ZFYVE28: variants seen among roughly 807,000 people sequenced by gnomAD.
The protein encoded by ZFYVE28 is zinc finger FYVE-type containing 28.
Under a neutral mutation model 82.1 loss-of-function variants are expected in ZFYVE28, and 40 were observed. The observed-to-expected ratio is 0.49, with a 90% CI of 0.38 to 0.63. The LOEUF is 0.63. Among genes scored for constraint, ZFYVE28 ranks in the 30% least tolerant of loss-of-function variants. The probability of loss-of-function intolerance (pLI) is 0.00; values close to 1 mark genes in which losing one functional copy is unlikely to be tolerated. For synonymous variants in ZFYVE28, 612 were observed against 546.1 expected (o/e 1.12, Z -1.68); for missense variants, 1,321 against 1,242.1 (o/e 1.06, Z -0.96).
rs1727771578 is a variant in ZFYVE28 at position 2,373,342 on chromosome 4, T to A, written c.40-19269A>T. ...GTGAGACCTACATCTCTACAAAAAATTTAAAAATTAGCTGACTGTGGTGGC... is the reference window on the plus strand; with the variant it reads ...GTGAGACCTACATCTCTACAAAAAAATTAAAAATTAGCTGACTGTGGTGGC... On this transcript the variant is annotated intron_variant, in intron 1 of 12. Transcript: ENST00000290974. Among the ~76,000 whole-genome samples, 3 of 151,820 alleles carry A rather than the reference T, an allele frequency of 2.0e-5. No individual in the cohort carries two copies. The South Asian group carries it at 6.3e-4, about 32-fold the overall frequency.
rs1713004475 is a variant in ZFYVE28, at chr4:2,287,885, A to T, written c.2052-13669T>A. On this transcript the variant is annotated intron_variant, in intron 8 of 12. Transcript: ENST00000290974. ...TCCAAAGTACTGAACATAAGGAGAC[A>T]CTGGATATGGATGTGTGAATGCTCT... is the stretch of plus-strand genomic sequence containing the variant. 3.3e-5 allele frequency among the ~76,000 whole-genome samples: 5 copies of T among 152,356 alleles called. No individual in the cohort carries two copies. In the South Asian group the frequency reaches 1.0e-3, roughly 32 times the overall value.
intron 8 of ZFYVE28, among the ~76,000 whole-genome samples, chr4:2,292,171 C>A (rs755905480): frequency 1.2e-4 from 19 of 152,144 alleles, no homozygotes; most frequent in Non-Finnish European, 2.4e-4. Flanking sequence ...GTCCTGCAGG[C>A]GGCCGGAGAG....
intron 1 of ZFYVE28, among the ~76,000 whole-genome samples, chr4:2,355,462 T>C (rs1223645874): frequency 6.8e-6 from 1 of 147,922 alleles, no homozygotes; most frequent in Non-Finnish European, 1.5e-5. Context: ...TTGTATTTTC[T>C]GTAGAGATGG....
At chr4:2,328,111 T>C (rs757796362) in intron 6 of ZFYVE28, among the ~76,000 whole-genome samples, 29 of 152,254 alleles carry the variant, frequency 1.9e-4, no homozygotes, top group African/African-American at 7.0e-4. Flanking sequence ...TGTAGTCTCA[T>C]GTTCATTGCA....
At chr4:2,312,319 C>T (rs1717571183) in intron 7 of ZFYVE28, among the ~76,000 whole-genome samples, 1 of 152,126 alleles carries the variant, frequency 6.6e-6, no homozygotes, top group South Asian at 2.1e-4. Flanking sequence ...AGGCAGATGG[C>T]TCGAGCACAG....
chr4:2,277,556 G>A (rs1413978471), intron 8 of ZFYVE28, among the ~76,000 whole-genome samples: 1 of 152,044 alleles, frequency 6.6e-6, no homozygotes, highest in Non-Finnish European at 1.5e-5. Flanking sequence ...TAAACTGAAA[G>A]TGAAATGAAG....
intron 3 of ZFYVE28, among the ~76,000 whole-genome samples, chr4:2,340,272 C>T (rs547675174): frequency 1.3e-5 from 2 of 152,308 alleles, no homozygotes; most frequent in South Asian, 2.1e-4. Flanking sequence ...AGGGCTCCTC[C>T]GCACCCACAA....
chr4:2,272,694 A>C (rs915065870), intron 10 of ZFYVE28, among the ~76,000 whole-genome samples: 8 of 151,742 alleles, frequency 5.3e-5, no homozygotes, highest in African/African-American at 1.9e-4. Context: ...CCCCATAGAG[A>C]GGCGGGTTCG....
intron 1 of ZFYVE28, among the ~76,000 whole-genome samples, chr4:2,413,858 C>T (rs1360947968): frequency 2.0e-5 from 3 of 152,224 alleles, no homozygotes; most frequent in African/African-American, 7.2e-5. Flanking sequence ...AGGCCCCACT[C>T]GTGCCAGGCC....
At chr4:2,274,345 C>T (rs1438396905) in intron 8 of ZFYVE28, 129 bp from the exon 9 acceptor site, 8 of 1,180,478 alleles carry the variant, frequency 6.8e-6, no homozygotes, top group South Asian at 1.6e-5. Flanking sequence ...GTATCTGTTG[C>T]CCAGATACAC....
chr4:2,298,986 C>T (rs1274698972), intron 8 of ZFYVE28, among the ~76,000 whole-genome samples: 1 of 152,172 alleles, frequency 6.6e-6, no homozygotes. Context: ...TCGCACCACA[C>T]GCGATCAACC....
chr4:2,326,522 G>A (rs1267401406), intron 6 of ZFYVE28, among the ~76,000 whole-genome samples: 6 of 152,094 alleles, frequency 3.9e-5, no homozygotes, highest in East Asian at 1.9e-4. Context: ...TTGGCTATTC[G>A]TGGGTTTTTA....
In ZFYVE28 at chr4:2,335,302, G is replaced by T. The variant is rs978497460; in HGVS notation, c.701+403C>A. Among the ~76,000 whole-genome samples, 1 of 152,070 alleles carries T rather than the reference G, an allele frequency of 6.6e-6. No homozygotes were observed. The highest frequency in any genetic ancestry group is 2.4e-5 in the African/African-American group (1 of 41,396). On this transcript the variant is annotated intron_variant, in intron 6 of 12. Coordinates refer to ENST00000290974, the MANE Select transcript of ZFYVE28 (RefSeq NM_020972.3). The surrounding 1 kb of genome is among the most constrained non-coding windows in gnomAD (Gnocchi z 5.8). ...TCACAGCCTCCTGAGGGACCCGGGG[G>T]GCAGCTCGTCCTCTTGTTACCACCA...
chr4:2,368,117 G>A (rs1470646047), intron 1 of ZFYVE28, among the ~76,000 whole-genome samples: 4 of 148,260 alleles, frequency 2.7e-5, no homozygotes, highest in East Asian at 2.0e-4. Context: ...GGCCAGGCAC[G>A]ATGGCACTTT....
In ZFYVE28 at chr4:2,341,669, G is replaced by C. The variant is rs1560241767; in HGVS notation, c.181-54C>G. The C allele has an allele frequency of 6.3e-7, 1 of 1,580,324 alleles. No homozygotes were observed. The highest frequency in any genetic ancestry group is 8.6e-7 in the Non-Finnish European group (1 of 1,156,774). On this transcript the variant is annotated intron_variant, in intron 2 of 12. Coordinates refer to ENST00000290974, the MANE Select transcript of ZFYVE28 (RefSeq NM_020972.3). This position sits in a 1 kb window ranked among gnomAD's most constrained non-coding sequence, Gnocchi z 4.5. ...CAATCGCTGTGTCCAGCTGGCGGCC[G>C]CCATGTACTGCTGGAAAACACGCAC...
intron 6 of ZFYVE28, among the ~76,000 whole-genome samples, chr4:2,334,397 C>T (rs1022466425): frequency 5.9e-5 from 9 of 152,018 alleles, no homozygotes; most frequent in African/African-American, 2.2e-4. Context: ...TGGGGTTAAG[C>T]ACTTCTGTCC....
intron 8 of ZFYVE28, chr4:2,287,179 CG>C (rs1260023015): frequency 1.3e-5 from 2 of 152,276 alleles, no homozygotes; most frequent in African/African-American, 4.8e-5. Context: ...CAAATCCCCA[CG>C]GTTTTAAGCC....
intron 8 of ZFYVE28, among the ~76,000 whole-genome samples, chr4:2,276,657 C>T (rs1736479204): frequency 6.6e-6 from 1 of 152,180 alleles, no homozygotes; most frequent in African/African-American, 2.4e-5. Context: ...ATCTAGGCTA[C>T]AGCCACGGAT....
intron 1 of ZFYVE28, chr4:2,364,646 G>C: frequency 1.0e-6 from 1 of 985,514 alleles, no homozygotes; most frequent in Non-Finnish European, 1.2e-6. Context: ...TGCAAAGTGG[G>C]CTTAAGGACG....
Sources: gnomAD v4.1 joint callset for allele counts (sites outside exome capture counted in the v4.1 genomes callset) on GRCh38, gnomAD v4.1.1 for gene constraint, Gnocchi (gnomAD v3.1) non-coding constraint, MANE v1.5 for transcripts, NCBI Gene and HGNC (gene_info 2026-07-23, HGNC 2026-07-21) for gene names.